The following CSPP1 variants were observed in gnomAD, a reference collection of about 807,000 sequenced individuals.
CSPP1 encodes the protein centrosome and spindle pole-associated protein 1.
A neutral mutation model predicts 164.4 loss-of-function variants in CSPP1; 126 were observed. The ratio of observed to expected loss-of-function variants is 0.77; its 90% CI spans 0.66 to 0.89. The LOEUF (loss-of-function observed/expected upper bound fraction) is 0.89. Among genes scored for constraint, CSPP1 ranks in the 40% least tolerant of loss-of-function variants. CSPP1 has a pLI of 0.00. For synonymous variants in CSPP1, 472 were observed against 476.7 expected, an observed-to-expected ratio of 0.99 and a Z score of 0.13; for missense variants, 1,395 against 1,449.8, an observed-to-expected ratio of 0.96 and a Z score of 0.61.
chr8:67,128,348 G>A (rs1177820520), intron 15 of CSPP1, among the ~76,000 whole-genome samples: 1 of 152,046 alleles, frequency 6.6e-6, no homozygotes, highest in Non-Finnish European at 1.5e-5. Flanking sequence ...AGATCAGCCT[G>A]GTCAACATGG....
intron 28 of CSPP1, among the ~76,000 whole-genome samples, chr8:67,189,405 C>T (rs1218953198): frequency 2.0e-5 from 3 of 152,150 alleles, no homozygotes; most frequent in Non-Finnish European, 4.4e-5. Flanking sequence ...GTGGTACATC[C>T]AGACAATGCA....
chr8:67,128,630 A>G (rs1820600338), intron 15 of CSPP1, among the ~76,000 whole-genome samples: 1 of 152,088 alleles, frequency 6.6e-6, no homozygotes, highest in African/African-American at 2.4e-5. Flanking sequence ...GGTTACTATT[A>G]TGAGACTTTC....
At chr8:67,161,324 G>A (rs1188582475) in intron 21 of CSPP1, among the ~76,000 whole-genome samples, 1 of 151,984 alleles carries the variant, frequency 6.6e-6, no homozygotes, top group African/African-American at 2.4e-5. Flanking sequence ...TGGACTATAA[G>A]GTTTAATACA....
At position 67,095,513 on chromosome 8, in the gene CSPP1, CA is replaced by C; in HGVS notation, c.707del (p.Asn236MetfsTer9). The C allele has an allele frequency of 6.2e-7, 1 of 1,613,012 alleles. No homozygotes were observed. The highest frequency in any genetic ancestry group is 8.5e-7 in the Non-Finnish European group (1 of 1,179,656). On this transcript the variant is annotated frameshift_variant, in exon 7 of 31. Transcript: ENST00000678616. LOFTEE classifies it high-confidence loss of function. ...AGGAATAGAAGAATTATTAAAAAAG[CA>C]AATGAAGAAGTGGGCATTTCCAACC... The part of the protein sequence containing the change: ...ELRNRRIIKK[A>X]NEEVGISNLK...
intron 21 of CSPP1, among the ~76,000 whole-genome samples, chr8:67,159,961 CTTTTCT>C (rs1170196985): frequency 5.8e-4 from 17 of 29,242 alleles, no homozygotes; most frequent in African/African-American, 7.1e-4. Context: ...TTCCTTCTTT[CTTTTCT>C]TTTCTTTTCT....
chr8:67,194,700 AAG>A (rs1239035267), intron 30 of CSPP1, among the ~76,000 whole-genome samples: 1 of 136,760 alleles, frequency 7.3e-6, no homozygotes, highest in African/African-American at 2.5e-5. Flanking sequence ...AAAAAAAAAA[AAG>A]AATATGATAT....
Position 67,118,146 on chromosome 8 carries a change from G to A in CSPP1, c.1497-102G>A, listed in dbSNP as rs763871359. 4 of 1,218,746 alleles carry A rather than the reference G, an allele frequency of 3.3e-6. No individual in the cohort carries two copies. The Middle Eastern group carries it at 5.8e-4, about 177-fold the overall frequency. The allele number at this position is 1,218,746 out of a possible 1,614,324, so 75.5% of individuals were successfully genotyped here. Reference sequence around the variant, plus strand: ...AGATGGTGACATTTTCTAAAGTAGTGATAGGATTTTCAGTACTGTTTTTGC... The same window carrying A: ...AGATGGTGACATTTTCTAAAGTAGTAATAGGATTTTCAGTACTGTTTTTGC... On this transcript the variant is annotated intron_variant, in intron 13 of 30. Coordinates refer to ENST00000678616, the MANE Select transcript of CSPP1 (RefSeq NM_001382391.1).
intron 8 of CSPP1, 111 bp downstream of exon 8, chr8:67,103,246 C>T: frequency 1.6e-6 from 1 of 621,706 alleles, no homozygotes; most frequent in Non-Finnish European, 2.8e-6. Context: ...AACAGCCTTC[C>T]TTCTTAGTGA....
At chr8:67,133,360 T>C (rs913499552) in intron 16 of CSPP1, among the ~76,000 whole-genome samples, 1 of 152,186 alleles carries the variant, frequency 6.6e-6, no homozygotes, top group African/African-American at 2.4e-5. Flanking sequence ...GTATTGCAGG[T>C]TTAGTTCCAG....
intron 7 of CSPP1, among the ~76,000 whole-genome samples, chr8:67,096,511 G>A (rs1812809469): frequency 6.6e-6 from 1 of 151,830 alleles, no homozygotes; most frequent in Non-Finnish European, 1.5e-5. Flanking sequence ...GTTGCAGTGA[G>A]CAGAGATCAC....
At chr8:67,092,311 C>T (rs1811779235) in intron 5 of CSPP1, among the ~76,000 whole-genome samples, 1 of 152,136 alleles carries the variant, frequency 6.6e-6, no homozygotes, top group African/African-American at 2.4e-5. Flanking sequence ...CGTCCATATT[C>T]CTTAGAGATG....
chr8:67,175,316 C>A lies in CSPP1; in HGVS notation c.2989C>A (p.Leu997Met), dbSNP rs1420249939. The change falls in exon 26 of 31, where the codon CTG (leucine) becomes ATG (methionine). Residue 997 changes from leucine to methionine, a missense_variant. By Grantham distance (15) the Leu-to-Met change is conservative (BLOSUM62 2). Coordinates refer to ENST00000678616, the MANE Select transcript of CSPP1 (RefSeq NM_001382391.1). ...KDRDSETRVDLKFMYLDPPRD... is the reference protein window; with the variant it reads ...KDRDSETRVDMKFMYLDPPRD... ...ACCAGATTCAGAAACACGAGTTGAT[C>A]TGAAATTTATGTACCTGGATCCTCC... 2 of 1,611,768 alleles carry A rather than the reference C, an allele frequency of 1.2e-6. No individual in the cohort carries two copies. Among genetic ancestry groups the A allele is most frequent in the Admixed American group, 1.7e-5 (1 of 59,690 alleles).
intron 22 of CSPP1, among the ~76,000 whole-genome samples, chr8:67,162,554 G>T (rs895689583): frequency 6.6e-6 from 1 of 152,314 alleles, no homozygotes; most frequent in South Asian, 2.1e-4. Flanking sequence ...GATTTAGTAG[G>T]TCTGTGGTAG....
intron 7 of CSPP1, among the ~76,000 whole-genome samples, chr8:67,098,250 T>TGTATTATGAGAA (rs1253693265): frequency 6.6e-6 from 1 of 151,216 alleles, no homozygotes; most frequent in African/African-American, 2.4e-5. Flanking sequence ...TTATGAGAAG[T>TGTATTATGAGAA]GCACAGTTAA....
intron 1 of CSPP1, among the ~76,000 whole-genome samples, chr8:67,073,371 T>TGAGG (rs1337512020): frequency 1.3e-5 from 2 of 152,124 alleles, no homozygotes; most frequent in Non-Finnish European, 2.9e-5. Context: ...ACACCCTAGA[T>TGAGG]GAGGGATGTT....
Position 67,108,785 on chromosome 8 carries a change from T to G in CSPP1, c.1093+2810T>G, listed in dbSNP as rs570485473. Among the ~76,000 whole-genome samples the G allele has an allele frequency of 2.0e-5, 3 of 152,146 alleles. No homozygotes were observed. In the East Asian group the frequency reaches 5.8e-4, roughly 29 times the overall value. ...AACTCTTCTTTGTGTCTGAGGAGGG[T>G]TTTGCATCAGATTTTTCACCAGATT... On this transcript the variant is annotated intron_variant, in intron 9 of 30. Coordinates refer to ENST00000678616, the MANE Select transcript of CSPP1 (RefSeq NM_001382391.1).
chr8:67,073,793 C>T (rs1807336788), intron 1 of CSPP1, among the ~76,000 whole-genome samples: 1 of 152,104 alleles, frequency 6.6e-6, no homozygotes, highest in Non-Finnish European at 1.5e-5. Flanking sequence ...CTTGTGTGCA[C>T]AAGCAAAGGA....
intron 21 of CSPP1, among the ~76,000 whole-genome samples, chr8:67,159,749 T>A (rs1827399172): frequency 6.6e-6 from 1 of 150,854 alleles, no homozygotes; most frequent in Non-Finnish European, 1.5e-5. Context: ...CTCAAACTCC[T>A]GACCTCAGAT....
intron 8 of CSPP1, among the ~76,000 whole-genome samples, chr8:67,104,654 T>C (rs1814984738): frequency 6.6e-6 from 1 of 151,944 alleles, no homozygotes; most frequent in African/African-American, 2.4e-5. Flanking sequence ...TTCTTCTTTT[T>C]TGAGACAGAG....
Sources: allele counts gnomAD v4.1 joint callset (sites outside exome capture counted in the v4.1 genomes callset), GRCh38; gene constraint gnomAD v4.1.1; transcripts MANE v1.5; gene names NCBI Gene and HGNC (gene_info 2026-07-23, HGNC 2026-07-21).